ZNF613: variants seen among roughly 807,000 people sequenced by gnomAD.
ZNF613 encodes zinc finger protein 613.
ZNF613 carries 8 observed loss-of-function variants against 14.3 expected under a neutral mutation model. That is an observed-to-expected ratio of 0.56 (90% CI 0.33 to 1.01). The LOEUF is 1.01. Ranked by LOEUF, ZNF613 falls within the 50% of genes least tolerant of loss-of-function variation. The probability of loss-of-function intolerance (pLI) is 0.03; values close to 1 mark genes in which losing one functional copy is unlikely to be tolerated. For synonymous variants in ZNF613, 228 were observed against 254.5 expected, an observed-to-expected ratio of 0.90 and a Z score of 0.99; for missense variants, 656 against 741.9, an observed-to-expected ratio of 0.88 and a Z score of 1.35.
chr19:51,945,190 G>T lies in ZNF613; in HGVS notation c.1307G>T (p.Gly436Val). The change falls in exon 6 of 6, where the codon GGC becomes GTC. Residue 436 changes from glycine to valine, a missense_variant. By Grantham distance (109) the Gly-to-Val change is moderately radical. Coordinates refer to ENST00000293471, the MANE Select transcript of ZNF613 (RefSeq NM_001031721.4). Reference sequence around the variant, plus strand: ...TATGTATGCAATGAATGTGGGAAAGGCTTCAGCCAGAAGACATGTTTAATA... The same window carrying T: ...TATGTATGCAATGAATGTGGGAAAGTCTTCAGCCAGAAGACATGTTTAATA... ...KPYVCNECGK[G>V]FSQKTCLISH... The T allele has an allele frequency of 1.2e-6, 2 of 1,614,122 alleles. No homozygotes were observed. Among genetic ancestry groups the T allele is most frequent in the South Asian group, 1.1e-5 (1 of 91,076 alleles).
At chr19:51,927,982 G>C (rs1221354991) in intron 1 of ZNF613, 1 of 149,870 alleles carries the variant, frequency 6.7e-6, no homozygotes, top group Non-Finnish European at 1.5e-5. Context: ...TTCCCGAGTA[G>C]CTGGGACTAC....
At chr19:51,930,863 C>A (rs1599901719) in intron 2 of ZNF613, among the ~76,000 whole-genome samples, 1 of 152,134 alleles carries the variant, frequency 6.6e-6, no homozygotes, top group Non-Finnish European at 1.5e-5. Context: ...AAAGTGGCTG[C>A]ACCATTTAAC....
At chr19:51,940,569 A>G (rs1485501006) in intron 4 of ZNF613, 48 bp from the exon 5 acceptor site, 1 of 1,563,922 alleles carries the variant, frequency 6.4e-7, no homozygotes, top group South Asian at 1.2e-5. Flanking sequence ...TTGATAGACC[A>G]CAGCTCAATT....
intron 2 of ZNF613, among the ~76,000 whole-genome samples, chr19:51,934,243 G>T (rs551535211): frequency 6.6e-6 from 1 of 151,752 alleles, no homozygotes; most frequent in South Asian, 2.1e-4. Flanking sequence ...TTGATTTTTC[G>T]ATAGAGGGAC....
Position 51,940,601 on chromosome 19 carries a change from C to G in ZNF613, c.143-16C>G. 6.2e-7 allele frequency: 1 copy of G among 1,606,360 alleles called. No homozygotes were observed. Among genetic ancestry groups the G allele is most frequent in the Non-Finnish European group, 8.5e-7 (1 of 1,175,964 alleles). On this transcript the variant is annotated splice_polypyrimidine_tract_variant and intron_variant, in intron 4 of 5. Coordinates refer to ENST00000293471, the MANE Select transcript of ZNF613 (RefSeq NM_001031721.4). The stretch of plus-strand genomic sequence containing the variant: ...AATTCAATGAGCCTAAGTTGTGTAT[C>G]ATTTCCTATGAACAGGGTATCAAGC...
At chr19:51,928,746 T>C (rs1409196990) in intron 1 of ZNF613, among the ~76,000 whole-genome samples, 1 of 151,278 alleles carries the variant, frequency 6.6e-6, no homozygotes, top group African/African-American at 2.4e-5. Flanking sequence ...TCTCAGCTAC[T>C]CGGGAGGCTG....
intron 1 of ZNF613, among the ~76,000 whole-genome samples, chr19:51,928,335 G>C (rs1003884624): frequency 1.3e-5 from 2 of 152,206 alleles, no homozygotes; most frequent in African/African-American, 4.8e-5. Context: ...GACCATGTTA[G>C]GGAGGTCTAG....
intron 2 of ZNF613, among the ~76,000 whole-genome samples, chr19:51,932,701 G>A (rs1398171861): frequency 1.3e-5 from 2 of 151,290 alleles, no homozygotes; most frequent in African/African-American, 2.4e-5. Context: ...TTTGAGACAG[G>A]GTCTCACTCT....
chr19:51,945,281 A>C lies in ZNF613; in HGVS notation c.1398A>C (p.Ser466=). ...FVCTECGKSC[S]HKSGLINHQR... ...GTACTGAGTGTGGAAAATCCTGCTC[A>C]CACAAGTCAGGTCTCATTAACCACC... is the stretch of plus-strand genomic sequence containing the variant. Residue 466 remains serine (S), a synonymous_variant, in exon 6 of 6, where the codon TCA becomes TCC. Coordinates refer to ENST00000293471, the MANE Select transcript of ZNF613 (RefSeq NM_001031721.4). The C allele has an allele frequency of 6.2e-7, 1 of 1,613,740 alleles. No homozygotes were observed. The highest frequency in any genetic ancestry group is 8.5e-7 in the Non-Finnish European group (1 of 1,179,902).
intron 3 of ZNF613, among the ~76,000 whole-genome samples, chr19:51,938,522 G>T (rs1347542655): frequency 6.6e-6 from 1 of 151,970 alleles, no homozygotes; most frequent in Non-Finnish European, 1.5e-5. Context: ...ACAGGTGGCT[G>T]ACTTACTGTT....
intron 2 of ZNF613, among the ~76,000 whole-genome samples, chr19:51,932,552 C>T (rs2122807413): frequency 6.6e-6 from 1 of 152,186 alleles, no homozygotes; most frequent in South Asian, 2.1e-4. Flanking sequence ...CCGCCTCGGC[C>T]TCCCAAAGTC....
At position 51,944,216 on chromosome 19, in the gene ZNF613, C is replaced by A; in HGVS notation, c.333C>A (p.Asn111Lys). 2 of 1,609,764 alleles carry A rather than the reference C, an allele frequency of 1.2e-6. No homozygotes were observed. The highest frequency in any genetic ancestry group is 1.7e-6 in the Non-Finnish European group (2 of 1,177,294). Residue 111 changes from asparagine to lysine, a missense_variant, in exon 6 of 6, where the codon AAC (asparagine) becomes AAA (lysine). By Grantham distance (94) the Asn-to-Lys change is moderately conservative. Coordinates refer to ENST00000293471, the MANE Select transcript of ZNF613 (RefSeq NM_001031721.4). ...GCCATAAACATAATGCATTTGGAAACATCATTCATCAGAGGAAAAGTGATT... is the reference window on the plus strand; with the variant it reads ...GCCATAAACATAATGCATTTGGAAAAATCATTCATCAGAGGAAAAGTGATT... ...EQCHKHNAFG[N>K]IIHQRKSDFP...
intron 1 of ZNF613, among the ~76,000 whole-genome samples, chr19:51,929,176 C>T (rs10420129): frequency 0.011 from 1,619 of 152,164 alleles, 33 homozygotes; most frequent in African/African-American, 0.036. Flanking sequence ...ACATTATGAA[C>T]GTTCTTATAG....
At chr19:51,930,811 A>G (rs185877025) in intron 2 of ZNF613, among the ~76,000 whole-genome samples, 265 of 152,292 alleles carry the variant, frequency 1.7e-3, no homozygotes, top group South Asian at 3.9e-3. Flanking sequence ...TTGTTGGGTT[A>G]TATGGTATGT....
At chr19:51,938,970 GTATGTATATA>G (rs933901162) in intron 3 of ZNF613, among the ~76,000 whole-genome samples, 7 of 151,478 alleles carry the variant, frequency 4.6e-5, no homozygotes, top group African/African-American at 1.5e-4. Flanking sequence ...ATATTTGTAT[GTATGTATATA>G]TATGTATATA....
At chr19:51,934,971 G>T (rs1040342163) in intron 2 of ZNF613, among the ~76,000 whole-genome samples, 1 of 152,218 alleles carries the variant, frequency 6.6e-6, no homozygotes, top group African/African-American at 2.4e-5. Context: ...GATTGCAGAG[G>T]GAAGGGGAGC....
At chr19:51,943,505 T>G (rs1284512633) in intron 5 of ZNF613, among the ~76,000 whole-genome samples, 2 of 152,232 alleles carry the variant, frequency 1.3e-5, no homozygotes, top group East Asian at 3.8e-4. Context: ...GGTATCACAG[T>G]GCTTGTGTTC....
At chr19:51,937,937 G>C (rs1239111563) in intron 3 of ZNF613, among the ~76,000 whole-genome samples, 1 of 151,872 alleles carries the variant, frequency 6.6e-6, no homozygotes, top group Non-Finnish European at 1.5e-5. Flanking sequence ...CACCATGTTG[G>C]CCAGGCTGGT....
intron 1 of ZNF613, among the ~76,000 whole-genome samples, chr19:51,928,853 C>CAAAAA (rs58085445): frequency 2.1e-5 from 2 of 96,916 alleles, no homozygotes; most frequent in South Asian, 3.0e-4. Flanking sequence ...GACCCTGCCT[C>CAAAAA]AAAAAAAAAA....
Sources: gnomAD v4.1 joint callset for allele counts (sites outside exome capture counted in the v4.1 genomes callset) on GRCh38, gnomAD v4.1.1 for gene constraint, MANE v1.5 for transcripts, NCBI Gene and HGNC (gene_info 2026-07-23, HGNC 2026-07-21) for gene names.